SMOC2: variants seen among roughly 807,000 people sequenced by gnomAD.
SMOC2 encodes the protein SPARC related modular calcium binding 2, also known as SPARC-related modular calcium-binding protein 2.
Under a neutral mutation model 61.4 loss-of-function variants are expected in SMOC2, and 39 were observed. The observed-to-expected ratio is 0.64, with a 90% confidence interval of 0.49 to 0.83. The LOEUF is 0.83. Ranked by LOEUF, SMOC2 falls within the 40% of genes least tolerant of loss-of-function variation. SMOC2 has a pLI of 0.00. For missense variants in SMOC2, 556 were observed against 592.9 expected, an observed-to-expected ratio of 0.94 and a Z score of 0.65; for synonymous variants, 247 against 239.9, an observed-to-expected ratio of 1.03 and a Z score of -0.27.
chr6:168,530,423 A>C (rs1422583519), intron 4 of SMOC2, among the ~76,000 whole-genome samples: 3 of 152,166 alleles, frequency 2.0e-5, no homozygotes, highest in Non-Finnish European at 4.4e-5. Context: ...TAATCAGATA[A>C]TATAATGAGA....
chr6:168,648,666 A>G (rs1472059973), intron 9 of SMOC2, among the ~76,000 whole-genome samples: 1 of 151,938 alleles, frequency 6.6e-6, no homozygotes, highest in Non-Finnish European at 1.5e-5. Flanking sequence ...ATAGATTTTG[A>G]TCTCCTTTTT....
At chr6:168,597,651 C>T (rs1411844296) in intron 7 of SMOC2, among the ~76,000 whole-genome samples, 1 of 152,242 alleles carries the variant, frequency 6.6e-6, no homozygotes, top group Non-Finnish European at 1.5e-5. Flanking sequence ...TAATCAGCTT[C>T]AAAGCAGGCT....
intron 7 of SMOC2, among the ~76,000 whole-genome samples, chr6:168,574,141 A>T (rs899249602): frequency 3.9e-5 from 6 of 152,236 alleles, no homozygotes; most frequent in Non-Finnish European, 7.3e-5. Context: ...ATCTCTGTGG[A>T]TAGAGACCCT....
At chr6:168,598,179 G>A (rs1253242059) in intron 7 of SMOC2, among the ~76,000 whole-genome samples, 1 of 152,192 alleles carries the variant, frequency 6.6e-6, no homozygotes, top group African/African-American at 2.4e-5. Flanking sequence ...ATTTGGGGCT[G>A]AACAACTTTT....
intron 1 of SMOC2, among the ~76,000 whole-genome samples, chr6:168,462,336 A>G (rs1280627507): frequency 6.6e-6 from 1 of 152,198 alleles, no homozygotes; most frequent in Admixed American, 6.5e-5. Flanking sequence ...TGAAGCTGCA[A>G]TGAGGTTGTA....
intron 7 of SMOC2, among the ~76,000 whole-genome samples, chr6:168,598,612 A>G (rs1158161110): frequency 6.6e-6 from 1 of 152,132 alleles, no homozygotes; most frequent in Non-Finnish European, 1.5e-5. Flanking sequence ...GAGATCCGTG[A>G]TCACAGCAGC....
intron 4 of SMOC2, among the ~76,000 whole-genome samples, chr6:168,530,637 A>ACCCCCCCCCCCCCCCCCC (rs3064057): frequency 1.7e-5 from 2 of 120,190 alleles, no homozygotes; most frequent in African/African-American, 8.2e-5. Context: ...TCACGGTGCA[A>ACCCCCCCCCCCCCCCCCC]CCCCCCCCCC....
At chr6:168,509,187 G>A (rs146138548) in intron 1 of SMOC2, among the ~76,000 whole-genome samples, 2 of 152,338 alleles carry the variant, frequency 1.3e-5, no homozygotes, top group East Asian at 1.9e-4. Context: ...AAAAGAGCAG[G>A]AGGGAGATGA....
chr6:168,663,935 G>A, intron 11 of SMOC2, 139 bp from the exon 12 acceptor site: 1 of 663,686 alleles, frequency 1.5e-6, no homozygotes, highest in Non-Finnish European at 2.6e-6. Flanking sequence ...GACTGTATGT[G>A]GTTTTTTTCA....
chr6:168,447,027 A>T (rs977648120), intron 1 of SMOC2, among the ~76,000 whole-genome samples: 1 of 152,180 alleles, frequency 6.6e-6, no homozygotes, highest in African/African-American at 2.4e-5. Context: ...CCTTCAGCAC[A>T]TATCTCTGCC....
At chr6:168,467,181 A>G (rs1054003557) in intron 1 of SMOC2, among the ~76,000 whole-genome samples, 4 of 146,618 alleles carry the variant, frequency 2.7e-5, no homozygotes, top group African/African-American at 7.7e-5. Flanking sequence ...ACACACACAC[A>G]CGTTTATTTC....
At chr6:168,577,490 G>A (rs965362334) in intron 7 of SMOC2, among the ~76,000 whole-genome samples, 11 of 152,140 alleles carry the variant, frequency 7.2e-5, no homozygotes, top group African/African-American at 2.4e-4. Flanking sequence ...GTTGCATCCG[G>A]TGATCAGGCT....
At position 168,610,969 on chromosome 6, in the gene SMOC2, A is replaced by ATG. The variant is rs1235666570; in HGVS notation, c.907+2730_907+2731insTG. Among the ~76,000 whole-genome samples, 5 of 150,558 alleles carry ATG rather than the reference A, an allele frequency of 3.3e-5. No homozygotes were observed. In the East Asian group the frequency reaches 9.8e-4, roughly 29 times the overall value. ...TTCCTAAACCAGATCTTCTTAAACCAGCCCTTCCTAAACCACACCTTCTTC... is the reference window on the plus strand; with the variant it reads ...TTCCTAAACCAGATCTTCTTAAACCATGGCCCTTCCTAAACCACACCTTCTTC... On this transcript the variant is annotated intron_variant, in intron 9 of 12. Transcript: ENST00000356284.
chr6:168,593,192 G>A (rs370738421), intron 7 of SMOC2, among the ~76,000 whole-genome samples: 1 of 7,322 alleles, frequency 1.4e-4, no homozygotes, highest in East Asian at 3.7e-3. Context: ...AGGCCTCACG[G>A]GCATCTTTCT....
chr6:168,577,314 T>C (rs1255073953), intron 7 of SMOC2, among the ~76,000 whole-genome samples: 1 of 152,186 alleles, frequency 6.6e-6, no homozygotes, highest in Non-Finnish European at 1.5e-5. Context: ...TCTCGTCTCA[T>C]CTCTGTAAGA....
chr6:168,456,082 G>C (rs1443055570), intron 1 of SMOC2, among the ~76,000 whole-genome samples: 1 of 152,248 alleles, frequency 6.6e-6, no homozygotes, highest in East Asian at 1.9e-4. Flanking sequence ...AGTGGGCGTG[G>C]GGGCACGGGC....
Position 168,648,738 on chromosome 6 carries a change from G to A in SMOC2, c.908-1943G>A, listed in dbSNP as rs566553095. On this transcript the variant is annotated intron_variant, in intron 9 of 12. Coordinates refer to ENST00000356284, the MANE Select transcript of SMOC2 (RefSeq NM_001166412.2). ...CACTCTCAGAACCCCCCTGGTGAAG[G>A]CTGCACATCTGTTTTCTGACATGTG... 6.6e-5 allele frequency among the ~76,000 whole-genome samples: 10 copies of A among 152,310 alleles called. No homozygotes were observed. The East Asian group carries it at 1.7e-3, about 26-fold the overall frequency.
At chr6:168,665,356 T>C (rs1787636171) in intron 12 of SMOC2, 1 of 152,778 alleles carries the variant, frequency 6.5e-6, no homozygotes, top group African/African-American at 2.4e-5. Context: ...AACTACGATA[T>C]TGGGATGATC....
chr6:168,666,525 T>G lies in SMOC2; in HGVS notation c.*87T>G. ...TTAAGAAAACAAAAACAGAAACACA[T>G]AGTATTTGCACTTTGTACTTTAAAT... is the stretch of plus-strand genomic sequence containing the variant. On this transcript the variant is annotated 3_prime_UTR_variant, in exon 13 of 13. Coordinates refer to ENST00000356284, the MANE Select transcript of SMOC2 (RefSeq NM_001166412.2). 7.3e-7 allele frequency: 1 copy of G among 1,376,490 alleles called. No homozygotes were observed. The highest frequency in any genetic ancestry group is 1.0e-6 in the Non-Finnish European group (1 of 965,850). 85.3% of individuals were successfully genotyped at this position (1,376,490 alleles called of 1,614,324 possible). A position where few individuals can be genotyped will look rare whatever the true frequency, so the allele number is the denominator to read the frequency against.
Sources: allele counts gnomAD v4.1 joint callset (sites outside exome capture counted in the v4.1 genomes callset), GRCh38; gene constraint gnomAD v4.1.1; transcripts MANE v1.5; gene names NCBI Gene and HGNC (gene_info 2026-07-23, HGNC 2026-07-21).